ZNF333: variants seen among roughly 807,000 people sequenced by gnomAD.
The protein encoded by ZNF333 is zinc finger protein 333.
A neutral mutation model predicts 76.1 loss-of-function variants in ZNF333; 61 were observed. The observed-to-expected ratio is 0.80, with a 90% confidence interval of 0.65 to 0.99. ZNF333 has a LOEUF of 0.99. Ranked by LOEUF, ZNF333 falls within the 50% of genes least tolerant of loss-of-function variation. The pLI is 0.00. For missense variants in ZNF333, 717 were observed against 822.4 expected (o/e 0.87, Z 1.57); for synonymous variants, 284 against 305.0 (o/e 0.93, Z 0.72).
At chr19:14,717,784 G>C (rs774152525) in intron 11 of ZNF333, 51 bp downstream of exon 11, 1 of 1,566,334 alleles carries the variant, frequency 6.4e-7, no homozygotes, top group Non-Finnish European at 8.8e-7. Context: ...GATGAGTCTG[G>C]GGTTAACCGT....
At chr19:14,717,794 T>G in intron 11 of ZNF333, 61 bp downstream of exon 11, 1 of 1,545,528 alleles carries the variant, frequency 6.5e-7, no homozygotes, top group Non-Finnish European at 8.9e-7. Flanking sequence ...GGGTTAACCG[T>G]AAGTTAGAAA....
In ZNF333 at chr19:14,718,737, A is replaced by G. The variant is rs755934279; in HGVS notation, c.1410A>G (p.Arg470=). ...NQPSSLRSHV[R]THTGEKPFEC... is the part of the protein sequence containing the mutation. The stretch of plus-strand genomic sequence containing the variant: ...CATCATCCCTCAGGAGCCACGTGAG[A>G]ACTCACACTGGAGAGAAGCCCTTTG... Residue 470 remains arginine (R), a synonymous_variant, in exon 12 of 12, where the codon AGA becomes AGG. Coordinates refer to ENST00000292530, the MANE Select transcript of ZNF333 (RefSeq NM_032433.4). The G allele has an allele frequency of 2.5e-6, 4 of 1,613,886 alleles. No homozygotes were observed. Among genetic ancestry groups the G allele is most frequent in the Non-Finnish European group, 3.4e-6 (4 of 1,179,964 alleles).
At chr19:14,699,335 C>A in intron 5 of ZNF333, 54 bp downstream of exon 5, 3 of 1,495,210 alleles carry the variant, frequency 2.0e-6, no homozygotes, top group Non-Finnish European at 2.8e-6. Context: ...TTGAGGAACA[C>A]GTGAGGTGGA....
intron 5 of ZNF333, 30 bp from the exon 6 acceptor site, chr19:14,705,024 C>T (rs775412826): frequency 6.2e-7 from 1 of 1,606,380 alleles, no homozygotes; most frequent in Non-Finnish European, 8.5e-7. Context: ...CCAACTCTGT[C>T]CTGCTCAGCA....
intron 7 of ZNF333, among the ~76,000 whole-genome samples, chr19:14,707,459 A>G (rs2042144488): frequency 6.6e-6 from 1 of 151,902 alleles, no homozygotes; most frequent in African/African-American, 2.4e-5. Context: ...GAAGAAATTA[A>G]TTCTAGAAGA....
chr19:14,699,728 C>G (rs1435297643), intron 5 of ZNF333, among the ~76,000 whole-genome samples: 1 of 151,990 alleles, frequency 6.6e-6, no homozygotes, highest in Non-Finnish European at 1.5e-5. Context: ...TTCTTTTTTT[C>G]TAGAAGGTTT....
At chr19:14,704,675 T>C (rs970850726) in intron 5 of ZNF333, among the ~76,000 whole-genome samples, 2 of 152,150 alleles carry the variant, frequency 1.3e-5, no homozygotes, top group Non-Finnish European at 2.9e-5. Flanking sequence ...ACTCCCCTTA[T>C]AATAACCATC....
intron 11 of ZNF333, among the ~76,000 whole-genome samples, chr19:14,729,681 G>A (rs1255091638): frequency 6.6e-6 from 1 of 152,146 alleles, no homozygotes; most frequent in Non-Finnish European, 1.5e-5. Flanking sequence ...ACAGGAGGAA[G>A]AAGTTCAGGA....
chr19:14,709,509 C>G (rs1376230363), intron 7 of ZNF333, among the ~76,000 whole-genome samples: 1 of 152,220 alleles, frequency 6.6e-6, no homozygotes, highest in Non-Finnish European at 1.5e-5. Flanking sequence ...GCTAAAATGT[C>G]TCTAGATGCT....
intron 9 of ZNF333, 58 bp from the exon 10 acceptor site, chr19:14,716,936 C>A: frequency 6.7e-7 from 1 of 1,495,458 alleles, no homozygotes; most frequent in Non-Finnish European, 9.1e-7. Flanking sequence ...GAATATCGGC[C>A]CTGGTGTCAG....
At chr19:14,706,123 C>G in intron 6 of ZNF333, 1 of 457,624 alleles carries the variant, frequency 2.2e-6, no homozygotes, top group Non-Finnish European at 4.4e-6. Context: ...TGCCATCCTG[C>G]CCAGAGCCAC....
chr19:14,701,016 CCCCTGGG>C (rs1264153209), intron 5 of ZNF333, among the ~76,000 whole-genome samples: 1 of 152,206 alleles, frequency 6.6e-6, no homozygotes. Context: ...CTGCAACAGA[CCCCTGGG>C]CAGCTGACAG....
At position 14,719,235 on chromosome 19, in the gene ZNF333, C is replaced by T; in HGVS notation, c.1908C>T (p.His636=). ...GGCACAGCTCCTCACTCACTGTACA[C>T]AAAAGAACCCATGTGGGAAGAGAGA... ...AFRHSSSLTV[H]KRTHVGRETI... The change falls in exon 12 of 12, where the codon CAC becomes CAT. Residue 636 remains histidine, a synonymous_variant. Coordinates refer to ENST00000292530, the MANE Select transcript of ZNF333 (RefSeq NM_032433.4). The T allele has an allele frequency of 6.2e-7, 1 of 1,614,208 alleles. No homozygotes were observed. Among genetic ancestry groups the T allele is most frequent in the Admixed American group, 1.7e-5 (1 of 60,036 alleles).
At chr19:14,724,725 C>T (rs901291154), downstream of ZNF333, among the ~76,000 whole-genome samples, 2 of 152,006 alleles carry the variant, frequency 1.3e-5, no homozygotes, top group African/African-American at 4.8e-5. Flanking sequence ...GACATCATGC[C>T]ATTGCACTCC....
rs61027794 is a variant in ZNF333 at position 14,693,980 on chromosome 19, TA to T, written c.3+511del. 9.3e-3 allele frequency among the ~76,000 whole-genome samples: 1,057 copies of T among 113,080 alleles called. 10 individuals are homozygous for T. Among genetic ancestry groups the T allele is most frequent in the African/African-American group, 0.025 (698 of 28,208 alleles). The allele number at this position is 113,080 out of a possible 152,430, so 74.2% of individuals were successfully genotyped here. The stretch of plus-strand genomic sequence containing the variant: ...AAGCTACAGAGTAAAACCTTGTCTC[TA>T]AAAAAAAAAAAAAAAAAAAAAAAAT... On this transcript the variant is annotated intron_variant, in intron 2 of 11. Coordinates refer to ENST00000292530, the MANE Select transcript of ZNF333 (RefSeq NM_032433.4).
At chr19:14,700,565 T>G (rs2398597) in intron 5 of ZNF333, among the ~76,000 whole-genome samples, 1 of 152,014 alleles carries the variant, frequency 6.6e-6, no homozygotes, top group African/African-American at 2.4e-5. Flanking sequence ...GCCTTCCATA[T>G]GAGCTTGTAC....
intron 4 of ZNF333, among the ~76,000 whole-genome samples, 157 bp from the exon 5 acceptor site, chr19:14,699,042 G>A (rs1316942426): frequency 2.7e-5 from 4 of 149,622 alleles, no homozygotes; most frequent in Admixed American, 6.7e-5. Flanking sequence ...ATATGTATTC[G>A]GTATTAAAAT....
intron 4 of ZNF333, among the ~76,000 whole-genome samples, chr19:14,697,991 CCT>C (rs1160357810): frequency 6.6e-6 from 1 of 152,168 alleles, no homozygotes; most frequent in Non-Finnish European, 1.5e-5. Context: ...TAGGAAATTG[CCT>C]CTCATTTTCC....
intron 7 of ZNF333, chr19:14,708,157 G>A (rs2042170866): frequency 5.1e-6 from 2 of 389,348 alleles, no homozygotes; most frequent in African/African-American, 2.1e-5. Context: ...ACAGGGGTGC[G>A]CTACCATGCC....
Sources: allele counts gnomAD v4.1 joint callset (sites outside exome capture counted in the v4.1 genomes callset), GRCh38; gene constraint gnomAD v4.1.1; transcripts MANE v1.5; gene names NCBI Gene and HGNC (gene_info 2026-07-23, HGNC 2026-07-21).